The following FIG4 variants were observed in gnomAD, a reference collection of about 807,000 sequenced individuals.
FIG4 encodes the protein polyphosphoinositide phosphatase.
In FIG4, 112 loss-of-function variants were observed where a neutral mutation model predicts 118.6. That is an observed-to-expected ratio of 0.94 (90% CI 0.81 to 1.11). The LOEUF is 1.11. Ranked by LOEUF, FIG4 falls within the 50% of genes least tolerant of loss-of-function variation. The probability of loss-of-function intolerance (pLI) is 0.00; values close to 1 mark genes in which losing one functional copy is unlikely to be tolerated. For synonymous variants in FIG4, 369 were observed against 381.2 expected (o/e 0.97, Z 0.37); for missense variants, 969 against 1,111.7 (o/e 0.87, Z 1.83).
chr6:109,696,917 T>C (rs1052734285), intron 1 of FIG4, among the ~76,000 whole-genome samples: 2 of 152,176 alleles, frequency 1.3e-5, no homozygotes, highest in African/African-American at 4.8e-5. Flanking sequence ...AAAGAAATTA[T>C]AGATGTTTGA....
intron 10 of FIG4, among the ~76,000 whole-genome samples, chr6:109,749,055 CTGTGTGTG>C (rs113357544): frequency 0.23 from 29,907 of 132,322 alleles, 3,481 homozygotes; most frequent in Non-Finnish European, 0.27. Context: ...CAAAGGAGCT[CTGTGTGTG>C]TGTGTGTGTG....
chr6:109,811,896 A>T (rs1301090810), intron 22 of FIG4, among the ~76,000 whole-genome samples: 1 of 152,098 alleles, frequency 6.6e-6, no homozygotes, highest in African/African-American at 2.4e-5. Flanking sequence ...TACACAAAAG[A>T]CCAGGGCAGG....
intron 15 of FIG4, among the ~76,000 whole-genome samples, chr6:109,773,199 G>C (rs911060114): frequency 1.3e-5 from 2 of 152,090 alleles, no homozygotes; most frequent in African/African-American, 4.8e-5. Flanking sequence ...GCCTCTAAAG[G>C]ATTAATGTGA....
chr6:109,772,855 A>G (rs1293359433), intron 15 of FIG4, among the ~76,000 whole-genome samples: 1 of 152,256 alleles, frequency 6.6e-6, no homozygotes, highest in East Asian at 1.9e-4. Flanking sequence ...AAGTCTATGG[A>G]CACAGCATTA....
chr6:109,814,262 C>T (rs1194111166), intron 22 of FIG4, among the ~76,000 whole-genome samples: 1 of 152,066 alleles, frequency 6.6e-6, no homozygotes, highest in African/African-American at 2.4e-5. Context: ...CCTCAACTTC[C>T]CAACTAGCTG....
At chr6:109,786,502 A>G (rs1213464390) in intron 18 of FIG4, 53 bp downstream of exon 18, 16 of 1,588,330 alleles carry the variant, frequency 1.0e-5, no homozygotes, top group Non-Finnish European at 1.2e-5. Context: ...TAGTTTTCCT[A>G]GTTTGTATAT....
intron 1 of FIG4, among the ~76,000 whole-genome samples, chr6:109,708,828 A>T (rs1775170279): frequency 6.6e-6 from 1 of 151,582 alleles, no homozygotes; most frequent in Admixed American, 6.6e-5. Flanking sequence ...TTTCGTGTAA[A>T]TTTGTTTAAG....
At chr6:109,761,034 T>C (rs1435064927) in intron 11 of FIG4, among the ~76,000 whole-genome samples, 1 of 152,230 alleles carries the variant, frequency 6.6e-6, no homozygotes, top group African/African-American at 2.4e-5. Flanking sequence ...TACAGAATCA[T>C]ACAAGCTGTA....
intron 19 of FIG4, among the ~76,000 whole-genome samples, chr6:109,790,663 A>AT (rs1300853507): frequency 1.3e-5 from 2 of 152,196 alleles, no homozygotes; most frequent in Non-Finnish European, 2.9e-5. Flanking sequence ...CTTATAGAGA[A>AT]TTTTTTAAAG....
intron 3 of FIG4, among the ~76,000 whole-genome samples, chr6:109,724,922 A>G (rs1775753018): frequency 6.6e-6 from 1 of 151,948 alleles, no homozygotes; most frequent in African/African-American, 2.4e-5. Context: ...TGTTAACTGT[A>G]TGCATCTTGT....
intron 10 of FIG4, among the ~76,000 whole-genome samples, chr6:109,749,134 C>T (rs1246424867): frequency 2.0e-5 from 3 of 148,964 alleles, no homozygotes; most frequent in Non-Finnish European, 4.4e-5. Flanking sequence ...GGAATATGTC[C>T]CCAAACTGGC....
At chr6:109,738,172 C>G (rs1776215341) in intron 6 of FIG4, among the ~76,000 whole-genome samples, 153 bp from the exon 7 acceptor site, 1 of 152,102 alleles carries the variant, frequency 6.6e-6, no homozygotes, top group Non-Finnish European at 1.5e-5. Flanking sequence ...ATGCTATTAA[C>G]CAAGCATGTT....
intron 22 of FIG4, among the ~76,000 whole-genome samples, chr6:109,810,032 G>C (rs995254969): frequency 1.1e-4 from 16 of 152,116 alleles, no homozygotes; most frequent in African/African-American, 3.9e-4. Flanking sequence ...GCCCAGGGCA[G>C]AAGGGAAACA....
intron 17 of FIG4, chr6:109,785,781 A>G (rs530072457): frequency 3.4e-4 from 154 of 459,062 alleles, no homozygotes; most frequent in Admixed American, 1.1e-3. Flanking sequence ...TAAGATTACA[A>G]AGTATTTTTG....
chr6:109,698,395 T>G (rs781068000), intron 1 of FIG4, among the ~76,000 whole-genome samples: 1 of 152,216 alleles, frequency 6.6e-6, no homozygotes, highest in Non-Finnish European at 1.5e-5. Flanking sequence ...GGATTGTGAT[T>G]TGAATTTCAT....
intron 22 of FIG4, among the ~76,000 whole-genome samples, chr6:109,804,246 C>T (rs186833557): frequency 6.6e-6 from 1 of 152,160 alleles, no homozygotes; most frequent in East Asian, 1.9e-4. Flanking sequence ...GTGGTTTAAC[C>T]TTTAATATTT....
At position 109,691,315 on chromosome 6, in the gene FIG4, G is replaced by T. The variant is rs75509752; in HGVS notation, c.-121G>T. On this transcript the variant is annotated 5_prime_UTR_variant, in exon 1 of 23. Transcript: ENST00000230124. ...ACACCTGATCATCTATAGGTTTAGT[G>T]CCTAATGGGTGTTGTTCCTGGCTGG... 12 of 795,056 alleles carry T rather than the reference G, an allele frequency of 1.5e-5. No homozygotes were observed. The African/African-American group carries it at 1.7e-4, about 11-fold the overall frequency. The allele number at this position is 795,056 out of a possible 1,614,324, so 49.3% of individuals were successfully genotyped here.
rs775711544 is a variant in FIG4 at position 109,763,901 on chromosome 6, A to G, written c.1389-36A>G. The G allele has an allele frequency of 3.5e-6, 5 of 1,422,424 alleles. No individual in the cohort carries two copies. The Admixed American group carries it at 6.7e-5, about 19-fold the overall frequency. The allele number at this position is 1,422,424 out of a possible 1,614,324, so 88.1% of individuals were successfully genotyped here. A position where few individuals can be genotyped will look rare whatever the true frequency, so the allele number is the denominator to read the frequency against. ...ACTGAAAATAAATATGTATTCTGCC[A>G]TTAAGTTTTTTAAAAGTGTTTATTT... On this transcript the variant is annotated intron_variant, in intron 12 of 22. Transcript: ENST00000230124.
chr6:109,760,022 A>T (rs1777052773), intron 10 of FIG4, among the ~76,000 whole-genome samples: 1 of 152,146 alleles, frequency 6.6e-6, no homozygotes, highest in African/African-American at 2.4e-5. Context: ...ACCAGGAAGA[A>T]ACCTGATCTC....
Sources: gnomAD v4.1 joint callset for allele counts (sites outside exome capture counted in the v4.1 genomes callset) on GRCh38, gnomAD v4.1.1 for gene constraint, MANE v1.5 for transcripts, NCBI Gene and HGNC (gene_info 2026-07-23, HGNC 2026-07-21) for gene names.